ROR1: variants seen among roughly 807,000 people sequenced by gnomAD.
ROR1 encodes inactive tyrosine-protein kinase transmembrane receptor ROR1.
ROR1 carries 19 observed loss-of-function variants against 78.8 expected under a neutral mutation model. The ratio of observed to expected loss-of-function variants is 0.24; its 90% confidence interval spans 0.17 to 0.35. The LOEUF (loss-of-function observed/expected upper bound fraction) is 0.35, where lower values mean the gene tolerates loss of function less well. Ranked by LOEUF, ROR1 falls within the 10% of genes least tolerant of loss-of-function variation. The pLI, the probability that ROR1 is intolerant of heterozygous loss-of-function variation, is 1.00. For missense variants in ROR1, 917 were observed against 1,177.8 expected (o/e 0.78, Z 3.24); for synonymous variants, 386 against 433.6 (o/e 0.89, Z 1.36).
intron 4 of ROR1, among the ~76,000 whole-genome samples, chr1:64,092,039 G>T (rs893669879): frequency 6.6e-6 from 1 of 151,860 alleles, no homozygotes; most frequent in African/African-American, 2.4e-5. Flanking sequence ...TTTGGGTGTG[G>T]GTTTATGGTG....
rs528196509 is a variant in ROR1 at position 63,996,879 on chromosome 1, T to C, written c.92-12426T>C. On this transcript the variant is annotated intron_variant, in intron 1 of 8. Transcript: ENST00000371079. The stretch of plus-strand genomic sequence containing the variant: ...GGCTATGTTCTGGCAGTTGGTGACA[T>C]GTCAGGGGACCTTAGGCAAGTTCTC... Among the ~76,000 whole-genome samples, 6 of 152,230 alleles carry C rather than the reference T, an allele frequency of 3.9e-5. No individual in the cohort carries two copies. In the South Asian group the frequency reaches 8.3e-4, roughly 21 times the overall value.
At chr1:64,136,054 A>C (rs1649090035) in intron 4 of ROR1, among the ~76,000 whole-genome samples, 1 of 152,206 alleles carries the variant, frequency 6.6e-6, no homozygotes, top group Non-Finnish European at 1.5e-5. Flanking sequence ...GAGCTTAGTA[A>C]ATAACTGTCT....
chr1:63,789,626 T>C (rs1644713033), intron 1 of ROR1, among the ~76,000 whole-genome samples: 1 of 151,160 alleles, frequency 6.6e-6, no homozygotes, highest in East Asian at 1.9e-4. Flanking sequence ...TGGATTGTGG[T>C]TTTGCATTTG....
chr1:63,802,054 G>C (rs182851169), intron 1 of ROR1, among the ~76,000 whole-genome samples: 1 of 152,336 alleles, frequency 6.6e-6, no homozygotes. Flanking sequence ...TATTTGGTTG[G>C]GGGAGGGGAG....
chr1:64,091,510 C>A (rs2100644449), intron 4 of ROR1, among the ~76,000 whole-genome samples: 1 of 152,170 alleles, frequency 6.6e-6, no homozygotes, highest in South Asian at 2.1e-4. Flanking sequence ...TCCCATTGTA[C>A]CCTGGGATCC....
chr1:63,901,997 T>C (rs1409972110), intron 1 of ROR1, among the ~76,000 whole-genome samples: 1 of 152,220 alleles, frequency 6.6e-6, no homozygotes, highest in Non-Finnish European at 1.5e-5. Context: ...AGGTTGAGTA[T>C]GAACTTGGGA....
At chr1:64,065,177 T>G (rs375841901) in intron 4 of ROR1, among the ~76,000 whole-genome samples, 176 of 152,328 alleles carry the variant, frequency 1.2e-3, no homozygotes, top group African/African-American at 4.2e-3. Context: ...GTGCCAGGCC[T>G]TTTTATAAAA....
chr1:64,063,945 C>A (rs1373213013), intron 4 of ROR1, among the ~76,000 whole-genome samples: 1 of 152,222 alleles, frequency 6.6e-6, no homozygotes, highest in Non-Finnish European at 1.5e-5. Context: ...ATTAGCCCAG[C>A]TCTACCTTTC....
intron 1 of ROR1, among the ~76,000 whole-genome samples, chr1:63,918,897 C>T (rs1363529924): frequency 6.6e-6 from 1 of 152,120 alleles, no homozygotes. Context: ...AGACAATGAC[C>T]AGCATGAGGA....
At chr1:63,937,235 C>T (rs1032040203) in intron 1 of ROR1, among the ~76,000 whole-genome samples, 4 of 152,168 alleles carry the variant, frequency 2.6e-5, no homozygotes, top group African/African-American at 7.2e-5. Context: ...CTCAGTGAGC[C>T]GGCAGTGCTT....
At chr1:64,041,502 G>A (rs1482726574) in intron 2 of ROR1, among the ~76,000 whole-genome samples, 2 of 152,146 alleles carry the variant, frequency 1.3e-5, no homozygotes, top group African/African-American at 4.8e-5. Flanking sequence ...TCCTTTGAGT[G>A]GCACCACATG....
intron 1 of ROR1, among the ~76,000 whole-genome samples, chr1:63,972,194 G>C (rs1214730258): frequency 6.6e-6 from 1 of 151,938 alleles, no homozygotes; most frequent in Non-Finnish European, 1.5e-5. Flanking sequence ...ATCTAACCTG[G>C]GCTCTCAAAT....
At chr1:64,015,297 T>G (rs994625644) in intron 2 of ROR1, among the ~76,000 whole-genome samples, 1 of 152,126 alleles carries the variant, frequency 6.6e-6, no homozygotes, top group African/African-American at 2.4e-5. Flanking sequence ...ACCATATCAA[T>G]TACCTAAGGT....
chr1:64,002,611 G>A (rs2100534713), intron 1 of ROR1, among the ~76,000 whole-genome samples: 1 of 152,218 alleles, frequency 6.6e-6, no homozygotes, highest in South Asian at 2.1e-4. Context: ...TCATTGTGGT[G>A]CTTTTTGTAG....
At chr1:63,894,564 T>C (rs1049675410) in intron 1 of ROR1, among the ~76,000 whole-genome samples, 1 of 152,132 alleles carries the variant, frequency 6.6e-6, no homozygotes, top group Non-Finnish European at 1.5e-5. Flanking sequence ...ATGTTTATAC[T>C]GATCATGTTC....
At chr1:63,972,930 A>G (rs1646130046) in intron 1 of ROR1, among the ~76,000 whole-genome samples, 1 of 152,266 alleles carries the variant, frequency 6.6e-6, no homozygotes, top group Non-Finnish European at 1.5e-5. Flanking sequence ...TAAACAATAC[A>G]TGGCTCATGG....
chr1:63,799,376 ACTT>A (rs1293790193), intron 1 of ROR1, among the ~76,000 whole-genome samples: 1 of 152,070 alleles, frequency 6.6e-6, no homozygotes, highest in Non-Finnish European at 1.5e-5. Flanking sequence ...GTGTTTAAAA[ACTT>A]CTCCAATGCT....
intron 1 of ROR1, among the ~76,000 whole-genome samples, chr1:63,819,506 G>A (rs999325162): frequency 3.9e-5 from 6 of 152,186 alleles, no homozygotes; most frequent in African/African-American, 1.4e-4. Context: ...TTATTATTGT[G>A]AGGGAGATGG....
intron 1 of ROR1, among the ~76,000 whole-genome samples, chr1:63,848,974 T>C (rs1645097921): frequency 6.6e-6 from 1 of 152,186 alleles, no homozygotes; most frequent in African/African-American, 2.4e-5. Context: ...CAAAGACTTA[T>C]TGATATGTCA....
Sources: gnomAD v4.1 joint callset for allele counts (sites outside exome capture counted in the v4.1 genomes callset) on GRCh38, gnomAD v4.1.1 for gene constraint, MANE v1.5 for transcripts, NCBI Gene and HGNC (gene_info 2026-07-23, HGNC 2026-07-21) for gene names.